The following TSPOAP1 variants were observed in gnomAD, a reference collection of about 807,000 sequenced individuals.
TSPOAP1 encodes TSPO associated protein 1.
A neutral mutation model predicts 197.0 loss-of-function variants in TSPOAP1; 87 were observed. The observed-to-expected ratio is 0.44, with a 90% CI of 0.37 to 0.53. The LOEUF (loss-of-function observed/expected upper bound fraction) is 0.53, where lower values mean the gene tolerates loss of function less well. Ranked by LOEUF, TSPOAP1 falls within the 20% of genes least tolerant of loss-of-function variation. The probability of loss-of-function intolerance (pLI) is 0.00; values close to 1 mark genes in which losing one functional copy is unlikely to be tolerated. For missense variants in TSPOAP1, 2,174 were observed against 2,411.3 expected, an observed-to-expected ratio of 0.90 and a Z score of 2.06; for synonymous variants, 913 against 998.9, an observed-to-expected ratio of 0.91 and a Z score of 1.62.
Position 58,326,718 on chromosome 17 carries a change from G to C in TSPOAP1, c.406C>G (p.Arg136Gly). 1 of 1,614,062 alleles carries C rather than the reference G, an allele frequency of 6.2e-7. No individual in the cohort carries two copies. The highest frequency in any genetic ancestry group is 8.5e-7 in the Non-Finnish European group (1 of 1,180,008). ...LLRALGELRQRCAILKEENQM... is the reference protein window; with the variant it reads ...LLRALGELRQGCAILKEENQM... ...TTTTCCTCCTTAAGGATGGCACAGC[G>C]CTGCCGCAGCTCCCCCAGGGCCCTC... The change falls in exon 2 of 32, where the codon CGC becomes GGC. Residue 136 changes from arginine to glycine, a missense_variant. By Grantham distance (125) the Arg-to-Gly change is moderately radical. This residue lies in a region of TSPOAP1 where 1,933 missense variants were observed against 2,139.0 expected (regional missense o/e 0.90). Transcript: ENST00000343736. This position sits in a 1 kb window ranked among gnomAD's most constrained non-coding sequence, Gnocchi z 4.7.
At position 58,302,465 on chromosome 17, in the gene TSPOAP1, A is replaced by G. The variant is rs1474390298; in HGVS notation, c.*33-18T>C. 1 of 1,213,212 alleles carries G rather than the reference A, an allele frequency of 8.2e-7. No homozygotes were observed. Among genetic ancestry groups the G allele is most frequent in the African/African-American group, 1.6e-5 (1 of 62,720 alleles). The allele number at this position is 1,213,212 out of a possible 1,614,324, so 75.2% of individuals were successfully genotyped here. ...CCCCAGTCCTGAAATGTGAGACAGA[A>G]GGAGCAAGGTCAGGGCCTGATTCCC... On this transcript the variant is annotated intron_variant, in intron 31 of 31. Coordinates refer to ENST00000343736, the MANE Select transcript of TSPOAP1 (RefSeq NM_004758.4).
rs200173933 is a variant in TSPOAP1, at chr17:58,305,188, G to T, written c.5434-17C>A. 6.3e-7 allele frequency: 1 copy of T among 1,584,666 alleles called. No homozygotes were observed. Among genetic ancestry groups the T allele is most frequent in the African/African-American group, 1.3e-5 (1 of 74,330 alleles). On this transcript the variant is annotated splice_polypyrimidine_tract_variant and intron_variant, in intron 29 of 31. Coordinates refer to ENST00000343736, the MANE Select transcript of TSPOAP1 (RefSeq NM_004758.4). ...TAATTCCCCCTGGAGAGAAGAGGCC[G>T]GTGAGACTGAGATCAGGAAAGAGGC... is the stretch of plus-strand genomic sequence containing the variant.
intron 16 of TSPOAP1, among the ~76,000 whole-genome samples, chr17:58,314,000 C>T (rs1287563771): frequency 2.0e-5 from 3 of 152,012 alleles, no homozygotes; most frequent in Non-Finnish European, 4.4e-5. Flanking sequence ...TGTAATGTCA[C>T]GGTCAATTTA....
intron 16 of TSPOAP1, among the ~76,000 whole-genome samples, chr17:58,314,175 C>T (rs1971149336): frequency 6.6e-6 from 1 of 152,048 alleles, no homozygotes; most frequent in Non-Finnish European, 1.5e-5. Context: ...TGCCCCTCAC[C>T]TCCACCCTCT....
Position 58,326,167 on chromosome 17 carries a change from G to T in TSPOAP1, c.570+126C>A, listed in dbSNP as rs1173768976. ...TGCCCTTCCTGCACCTTAGCCCCTAGATTCTTGCTTTCCTAGGTGCTGAGC... is the reference window on the plus strand; with the variant it reads ...TGCCCTTCCTGCACCTTAGCCCCTATATTCTTGCTTTCCTAGGTGCTGAGC... On this transcript the variant is annotated intron_variant, in intron 3 of 31. Coordinates refer to ENST00000343736, the MANE Select transcript of TSPOAP1 (RefSeq NM_004758.4). This position sits in a 1 kb window ranked among gnomAD's most constrained non-coding sequence, Gnocchi z 4.7. The T allele has an allele frequency of 3.2e-5, 46 of 1,459,856 alleles. No individual in the cohort carries two copies. The highest frequency in any genetic ancestry group is 4.1e-5 in the Non-Finnish European group (45 of 1,091,416). 90.4% of individuals were successfully genotyped at this position (1,459,856 alleles called of 1,614,324 possible).
chr17:58,327,187 C>T (rs1971650264), intron 1 of TSPOAP1, among the ~76,000 whole-genome samples: 1 of 152,106 alleles, frequency 6.6e-6, no homozygotes, highest in African/African-American at 2.4e-5. Context: ...GCACCAAGCC[C>T]CCTCCCCTCA....
intron 16 of TSPOAP1, among the ~76,000 whole-genome samples, chr17:58,315,747 C>G (rs1448263087): frequency 6.6e-6 from 1 of 152,176 alleles, no homozygotes; most frequent in African/African-American, 2.4e-5. Context: ...TCCTGTGACA[C>G]TCTCTCCACC....
In TSPOAP1 at chr17:58,326,151, T is replaced by G. The variant is rs1971594960; in HGVS notation, c.570+142A>C. 5 of 1,376,312 alleles carry G rather than the reference T, an allele frequency of 3.6e-6. No homozygotes were observed. The East Asian group carries it at 1.2e-4, about 33-fold the overall frequency. 85.3% of individuals were successfully genotyped at this position (1,376,312 alleles called of 1,614,324 possible). A position where few individuals can be genotyped will look rare whatever the true frequency, so the allele number is the denominator to read the frequency against. On this transcript the variant is annotated intron_variant, in intron 3 of 31. Coordinates refer to ENST00000343736, the MANE Select transcript of TSPOAP1 (RefSeq NM_004758.4). This position sits in a 1 kb window ranked among gnomAD's most constrained non-coding sequence, Gnocchi z 4.7. ...TTGCCTGGCCAGCCTCTGCCCTTCCTGCACCTTAGCCCCTAGATTCTTGCT... is the reference window on the plus strand; with the variant it reads ...TTGCCTGGCCAGCCTCTGCCCTTCCGGCACCTTAGCCCCTAGATTCTTGCT...
rs1315677709 is a variant in TSPOAP1, at chr17:58,327,789, A to G, written c.132T>C (p.Asp44=). 1.2e-6 allele frequency: 2 copies of G among 1,614,168 alleles called. No individual in the cohort carries two copies. The highest frequency in any genetic ancestry group is 3.3e-5 in the Admixed American group (2 of 60,026). The change falls in exon 1 of 32, where the codon GAT becomes GAC. Residue 44 remains aspartate (D), a synonymous_variant. Transcript: ENST00000343736. The part of the protein sequence containing the change: ...EPSSAAPSIA[D]TPPAALQLQE... Reference sequence around the variant, plus strand: ...GAAGCTGCAGAGCTGCCGGAGGAGTATCAGCGATGCTTGGGGCTGCACTGC... The same window carrying G: ...GAAGCTGCAGAGCTGCCGGAGGAGTGTCAGCGATGCTTGGGGCTGCACTGC...
Position 58,322,053 on chromosome 17 carries a change from TC to T in TSPOAP1, c.1422+254del, listed in dbSNP as rs928723087. On this transcript the variant is annotated intron_variant, in intron 10 of 31. Coordinates refer to ENST00000343736, the MANE Select transcript of TSPOAP1 (RefSeq NM_004758.4). This position sits in a 1 kb window ranked among gnomAD's most constrained non-coding sequence, Gnocchi z 5.0. ...CTCAGGGAGGCCTTCCCTGATGACC[TC>T]TAAAGTGGCTCCTCACCCCATCCCA... 9.0e-5 allele frequency: 46 copies of T among 508,964 alleles called. No homozygotes were observed. The highest frequency in any genetic ancestry group is 8.9e-4 in the African/African-American group (46 of 51,550). The allele number at this position is 508,964 out of a possible 1,614,324, so 31.5% of individuals were successfully genotyped here.
intron 16 of TSPOAP1, among the ~76,000 whole-genome samples, chr17:58,315,326 C>T (rs916894005): frequency 2.0e-5 from 3 of 152,206 alleles, no homozygotes; most frequent in Admixed American, 2.0e-4. Flanking sequence ...TCGCCCTGCC[C>T]TGTCCATGCC....
Position 58,312,296 on chromosome 17 carries a change from T to C in TSPOAP1, c.2525A>G (p.Lys842Arg). The change falls in exon 17 of 32, where the codon AAG (lysine) becomes AGG (arginine). Residue 842 changes from lysine (K) to arginine (R), a missense_variant. Transcript: ENST00000343736. Reference sequence around the variant, plus strand: ...CAGGTCCAGGTTCTCCAGCACGGCCTTGGGTGGCGCCCCAGGCCCCAGGGC... The same window carrying C: ...CAGGTCCAGGTTCTCCAGCACGGCCCTGGGTGGCGCCCCAGGCCCCAGGGC... ...RQALGPGAPP[K>R]AVLENLDLWA... is the part of the protein sequence containing the mutation. 1 of 1,612,782 alleles carries C rather than the reference T, an allele frequency of 6.2e-7. No homozygotes were observed. The highest frequency in any genetic ancestry group is 8.5e-7 in the Non-Finnish European group (1 of 1,179,788).
At chr17:58,302,585 C>T in intron 31 of TSPOAP1, 138 bp from the exon 32 acceptor site, 1 of 458,136 alleles carries the variant, frequency 2.2e-6, no homozygotes, top group Non-Finnish European at 3.4e-6. Context: ...AGGGCCTCAC[C>T]TCCCACCACT....
In TSPOAP1 at chr17:58,309,937, G is replaced by C. The variant is rs766343455; in HGVS notation, c.3891+30C>G. ...GGGAGGCCCCGGAGTTTGAGGCCTGGGGCCCAACAGCCCATCCCTACCCCG... is the reference window on the plus strand; with the variant it reads ...GGGAGGCCCCGGAGTTTGAGGCCTGCGGCCCAACAGCCCATCCCTACCCCG... On this transcript the variant is annotated intron_variant, in intron 21 of 31. Transcript: ENST00000343736. The surrounding 1 kb of genome is among the most constrained non-coding windows in gnomAD (Gnocchi z 5.0). 3.2e-6 allele frequency: 5 copies of C among 1,580,464 alleles called. No homozygotes were observed. In the South Asian group the frequency reaches 5.8e-5, roughly 18 times the overall value.
At position 58,309,386 on chromosome 17, in the gene TSPOAP1, G is replaced by A. The variant is rs549726806; in HGVS notation, c.3892-6C>T. ...CAAAAGGGGTCGGGCTGGGACTGGT[G>A]GAGGTGGGGAGGTGGGAGTAGAACA... On this transcript the variant is annotated splice_region_variant and splice_polypyrimidine_tract_variant and intron_variant, in intron 21 of 31. Coordinates refer to ENST00000343736, the MANE Select transcript of TSPOAP1 (RefSeq NM_004758.4). This position sits in a 1 kb window ranked among gnomAD's most constrained non-coding sequence, Gnocchi z 5.0. 9.4e-5 allele frequency: 150 copies of A among 1,599,840 alleles called. 1 individual carries two copies. The South Asian group carries it at 1.6e-3, about 17-fold the overall frequency.
Position 58,305,632 on chromosome 17 carries a change from G to C in TSPOAP1, c.5269C>G (p.Leu1757Val). The change falls in exon 28 of 32, where the codon CTG becomes GTG. Residue 1757 changes from leucine (L) to valine (V), a missense_variant. By Grantham distance (32) the Leu-to-Val change is conservative. This residue lies in a region of TSPOAP1 where 161 missense variants were observed against 159.1 expected (regional missense o/e 1.01). Transcript: ENST00000343736. ...PAQPCPGPPK[L>V]VPSADLKAPH... ...GCTTTCAGGTCAGCAGAGGGGACCA[G>C]CTTAGGGGGGCCTGCAGGGGGAGTA... is the stretch of plus-strand genomic sequence containing the variant. 1 of 1,529,438 alleles carries C rather than the reference G, an allele frequency of 6.5e-7. No individual in the cohort carries two copies. Among genetic ancestry groups the C allele is most frequent in the Non-Finnish European group, 8.8e-7 (1 of 1,133,308 alleles). 94.7% of individuals were successfully genotyped at this position (1,529,438 alleles called of 1,614,324 possible).
rs1325182927 is a variant in TSPOAP1 at position 58,312,050 on chromosome 17, C to T, written c.2771G>A (p.Ser924Asn). 1 of 1,613,394 alleles carries T rather than the reference C, an allele frequency of 6.2e-7. No individual in the cohort carries two copies. The highest frequency in any genetic ancestry group is 8.5e-7 in the Non-Finnish European group (1 of 1,179,952). Residue 924 changes from serine to asparagine, a missense_variant, in exon 17 of 32, where the codon AGC becomes AAC. Physicochemically the swap from Ser to Asn is conservative, Grantham distance 46. Transcript: ENST00000343736. ...GAAGGTGGCCCAGTAGGTACTGGGG[C>T]TGGCAGGTGGGCACTCTTCCCCATT... ...YLNGEECPPA[S>N]PSTYWATFCH...
chr17:58,308,547 G>A lies in TSPOAP1; in HGVS notation c.4725C>T (p.Leu1575=), dbSNP rs1222960138. The change falls in exon 22 of 32, where the codon CTC becomes CTT. Residue 1575 remains leucine, a synonymous_variant. Coordinates refer to ENST00000343736, the MANE Select transcript of TSPOAP1 (RefSeq NM_004758.4). The part of the protein sequence containing the change: ...RSATGRAKEP[L]SRATETGEAR... ...GCGGGGAGTGAGCACGGACCCGGGA[G>A]AGTGGCTCCTTGGCTCTGCCCGTCG... 5.2e-6 allele frequency: 8 copies of A among 1,528,126 alleles called. No individual in the cohort carries two copies. Among genetic ancestry groups the A allele is most frequent in the Admixed American group, 2.0e-5 (1 of 49,274 alleles). 94.7% of individuals were successfully genotyped at this position (1,528,126 alleles called of 1,614,324 possible). A position where few individuals can be genotyped will look rare whatever the true frequency, so the allele number is the denominator to read the frequency against.
At position 58,307,641 on chromosome 17, in the gene TSPOAP1, CTCT is replaced by C. The variant is rs1170214981; in HGVS notation, c.4950_4952del (p.Glu1651del). The C allele has an allele frequency of 6.2e-7, 1 of 1,613,950 alleles. No homozygotes were observed. Among genetic ancestry groups the C allele is most frequent in the Non-Finnish European group, 8.5e-7 (1 of 1,180,046 alleles). ...GGATCTGACCCTCTCGGAAGGGAAG[CTCT>C]TCTTCTCCAGCATCAGGATTGGGCG... On this transcript the variant is annotated inframe_deletion, in exon 24 of 32. Coordinates refer to ENST00000343736, the MANE Select transcript of TSPOAP1 (RefSeq NM_004758.4).
Sources: gnomAD v4.1 joint callset for allele counts (sites outside exome capture counted in the v4.1 genomes callset) on GRCh38, gnomAD v4.1.1 for gene constraint, gnomAD v4.1.1 regional missense constraint, Gnocchi (gnomAD v3.1) non-coding constraint, MANE v1.5 for transcripts, NCBI Gene and HGNC (gene_info 2026-07-23, HGNC 2026-07-21) for gene names.